The following CCDC27 variants were observed in gnomAD, a reference collection of about 807,000 sequenced individuals.
CCDC27 encodes coiled-coil domain containing 27, also known as coiled-coil domain-containing protein 27.
A neutral mutation model predicts 80.3 loss-of-function variants in CCDC27; 80 were observed. The observed-to-expected ratio is 1.00, with a 90% CI of 0.83 to 1.20. The LOEUF (loss-of-function observed/expected upper bound fraction) is 1.20. CCDC27 is among the 50% of genes most tolerant of loss of function. The probability of loss-of-function intolerance (pLI) is 0.00; values close to 1 mark genes in which losing one functional copy is unlikely to be tolerated. For missense variants in CCDC27, 815 were observed against 809.4 expected (o/e 1.01, Z -0.08); for synonymous variants, 342 against 334.3 (o/e 1.02, Z -0.25).
In CCDC27 at chr1:3,769,867, G is replaced by A. The variant is rs1324525053; in HGVS notation, c.1828G>A (p.Asp610Asn). 1 of 1,613,774 alleles carries A rather than the reference G, an allele frequency of 6.2e-7. No homozygotes were observed. The highest frequency in any genetic ancestry group is 1.7e-5 in the Admixed American group (1 of 59,986). The change falls in exon 11 of 12, where the codon GAC (aspartate) becomes AAC (asparagine). Residue 610 changes from aspartate to asparagine, a missense_variant. Transcript: ENST00000294600. This position sits in a 1 kb window ranked among gnomAD's most constrained non-coding sequence, Gnocchi z 4.6. Reference protein sequence around the residue: ...KSLANEISDNDILEALQRIIS... With the variant: ...KSLANEISDNNILEALQRIIS... ...CTTGGCCAACGAGATCTCTGACAAT[G>A]ACATCCTGGAAGCCCTGCAGGTATA...
At chr1:3,764,178 A>G (rs983340620) in intron 8 of CCDC27, among the ~76,000 whole-genome samples, 4 of 152,322 alleles carry the variant, frequency 2.6e-5, no homozygotes, top group African/African-American at 9.6e-5. Flanking sequence ...ATCCGTGCTT[A>G]GAGAGACTGC....
chr1:3,768,595 T>C lies in CCDC27; in HGVS notation c.1743+1150T>C, dbSNP rs1286843137. ...GATAAAACAGTTTGGGATCCAGCCG[T>C]AGTCCTGGTGAAAGCGTTAGACCAG... On this transcript the variant is annotated intron_variant, in intron 10 of 11. Coordinates refer to ENST00000294600, the MANE Select transcript of CCDC27 (RefSeq NM_152492.3). The surrounding 1 kb of genome is among the most constrained non-coding windows in gnomAD (Gnocchi z 5.6). 6.6e-6 allele frequency among the ~76,000 whole-genome samples: 1 copy of C among 152,108 alleles called. No homozygotes were observed. The highest frequency in any genetic ancestry group is 1.5e-5 in the Non-Finnish European group (1 of 68,010).
At position 3,766,624 on chromosome 1, in the gene CCDC27, G is replaced by A. The variant is rs757622717; in HGVS notation, c.1530+12G>A. 6.2e-7 allele frequency: 1 copy of A among 1,608,994 alleles called. No individual in the cohort carries two copies. The highest frequency in any genetic ancestry group is 8.5e-7 in the Non-Finnish European group (1 of 1,176,058). On this transcript the variant is annotated intron_variant, in intron 9 of 11. Transcript: ENST00000294600. This position sits in a 1 kb window ranked among gnomAD's most constrained non-coding sequence, Gnocchi z 6.1. ...AGCTCCTCCGACAGGTGACAGCCTG[G>A]GTGTCGTTAAATGATCAGCCAGGCC...
At chr1:3,764,970 G>A (rs886732584) in intron 8 of CCDC27, among the ~76,000 whole-genome samples, 4 of 151,058 alleles carry the variant, frequency 2.6e-5, no homozygotes, top group Admixed American at 6.6e-5. Context: ...AGGAGAAGGA[G>A]GTTGCAGTGA....
chr1:3,765,968 C>T (rs974247157), intron 8 of CCDC27, among the ~76,000 whole-genome samples: 11 of 151,722 alleles, frequency 7.3e-5, no homozygotes, highest in Admixed American at 2.0e-4. Context: ...TCTCCAGAGT[C>T]GGGTGATCCT....
At position 3,763,086 on chromosome 1, in the gene CCDC27, C is replaced by G; in HGVS notation, c.955-22C>G. ...GGGGTGCCCCGCAGCCCTGCCCAGC[C>G]CCTGCCCTACCCATCTTACAGATGC... On this transcript the variant is annotated intron_variant, in intron 6 of 11. Transcript: ENST00000294600. The surrounding 1 kb of genome is among the most constrained non-coding windows in gnomAD (Gnocchi z 7.5). 1 of 1,462,334 alleles carries G rather than the reference C, an allele frequency of 6.8e-7. No homozygotes were observed. The highest frequency in any genetic ancestry group is 9.0e-7 in the Non-Finnish European group (1 of 1,105,770). The allele number at this position is 1,462,334 out of a possible 1,614,324, so 90.6% of individuals were successfully genotyped here.
At chr1:3,765,276 C>G (rs1254552287) in intron 8 of CCDC27, among the ~76,000 whole-genome samples, 1 of 152,160 alleles carries the variant, frequency 6.6e-6, no homozygotes, top group Non-Finnish European at 1.5e-5. Flanking sequence ...GTTGTAAGAT[C>G]CTATCTTTGT....
In CCDC27 at chr1:3,752,495, T is replaced by A. The variant is rs1642843873; in HGVS notation, c.14T>A (p.Ile5Asn). 6.2e-7 allele frequency: 1 copy of A among 1,613,750 alleles called. No homozygotes were observed. MFEA[I>N]FPSTPQARLK... is the part of the protein sequence containing the mutation. ...GCCAGCAGGTTCATGTTCGAGGCCA[T>A]CTTCCCCTCCACACCCCAAGCCAGG... The change falls in exon 1 of 12, where the codon ATC becomes AAC. Residue 5 changes from isoleucine to asparagine, a missense_variant. Coordinates refer to ENST00000294600, the MANE Select transcript of CCDC27 (RefSeq NM_152492.3).
In CCDC27 at chr1:3,763,164, C is replaced by T. The variant is rs771918746; in HGVS notation, c.1011C>T (p.Gly337=). Residue 337 remains glycine, a synonymous_variant, in exon 7 of 12, where the codon GGC becomes GGT. Transcript: ENST00000294600. This position sits in a 1 kb window ranked among gnomAD's most constrained non-coding sequence, Gnocchi z 7.5. ...GCAAGGAGCCCGACCTGGGAGGTGGCGAGGAGGACGAGGGCCTGGAAGGGG... is the reference window on the plus strand; with the variant it reads ...GCAAGGAGCCCGACCTGGGAGGTGGTGAGGAGGACGAGGGCCTGGAAGGGG... ...ERGKEPDLGG[G]EEDEGLEGEP... is the part of the protein sequence containing the mutation. 30 of 1,491,890 alleles carry T rather than the reference C, an allele frequency of 2.0e-5. No individual in the cohort carries two copies. The highest frequency in any genetic ancestry group is 7.3e-5 in the Admixed American group (3 of 41,186). The allele number at this position is 1,491,890 out of a possible 1,614,324, so 92.4% of individuals were successfully genotyped here.
chr1:3,766,927 G>A lies in CCDC27; in HGVS notation c.1531-306G>A, dbSNP rs150490288. On this transcript the variant is annotated intron_variant, in intron 9 of 11. Transcript: ENST00000294600. The surrounding 1 kb of genome is among the most constrained non-coding windows in gnomAD (Gnocchi z 6.1). ...GTGATCTCAGCTCACTGCAACCTCC[G>A]CCTCCTGGGTTCAAGTGATTCTCCT... is the stretch of plus-strand genomic sequence containing the variant. Among the ~76,000 whole-genome samples, 1,346 of 137,528 alleles carry A rather than the reference G, an allele frequency of 9.8e-3. 28 individuals are homozygous for A. The highest frequency in any genetic ancestry group is 0.033 in the African/African-American group (1,206 of 36,136). 90.2% of individuals were successfully genotyped at this position (137,528 alleles called of 152,430 possible). A position where few individuals can be genotyped will look rare whatever the true frequency, so the allele number is the denominator to read the frequency against.
rs138413252 is a variant in CCDC27 at position 3,763,813 on chromosome 1, C to G, written c.1429C>G (p.Gln477Glu). 65 of 1,613,000 alleles carry G rather than the reference C, an allele frequency of 4.0e-5. No individual in the cohort carries two copies. The African/African-American group carries it at 7.2e-4, about 18-fold the overall frequency. ...LQKELRERRQQLQAMTDKFSN... is the reference protein window; with the variant it reads ...LQKELRERRQELQAMTDKFSN... The stretch of plus-strand genomic sequence containing the variant: ...GAAGGAGCTCCGAGAGCGGAGGCAG[C>G]AGCTACAAGCCATGACCGACAAGGT... The change falls in exon 8 of 12, where the codon CAG becomes GAG. Residue 477 changes from glutamine (Q) to glutamate (E), a missense_variant. Physicochemically the swap from Gln to Glu is conservative, Grantham distance 29. Coordinates refer to ENST00000294600, the MANE Select transcript of CCDC27 (RefSeq NM_152492.3). This position sits in a 1 kb window ranked among gnomAD's most constrained non-coding sequence, Gnocchi z 7.5.
intron 3 of CCDC27, chr1:3,756,129 C>CA (rs56657883): frequency 0.02 from 3,049 of 155,786 alleles, 98 homozygotes; most frequent in African/African-American, 0.07. Flanking sequence ...TCACGAGGTT[C>CA]AGGAGTTCAA....
In CCDC27 at chr1:3,766,450, G is replaced by T; in HGVS notation, c.1453-85G>T. 1 of 885,068 alleles carries T rather than the reference G, an allele frequency of 1.1e-6. No individual in the cohort carries two copies. The allele number at this position is 885,068 out of a possible 1,614,324, so 54.8% of individuals were successfully genotyped here. ...GCTGCTATTATTTTAGGGAGCTTTG[G>T]GGAAGGAAAAAAGTTAGATGCCGGA... On this transcript the variant is annotated intron_variant, in intron 8 of 11. Coordinates refer to ENST00000294600, the MANE Select transcript of CCDC27 (RefSeq NM_152492.3). This position sits in a 1 kb window ranked among gnomAD's most constrained non-coding sequence, Gnocchi z 6.1.
intron 1 of CCDC27, 151 bp from the exon 2 acceptor site, chr1:3,753,967 C>A: frequency 9.2e-7 from 1 of 1,092,738 alleles, no homozygotes; most frequent in Non-Finnish European, 1.3e-6. Context: ...CACACGGTGT[C>A]CTGGGTGTGG....
At position 3,760,380 on chromosome 1, in the gene CCDC27, C is replaced by G. The variant is rs1205581612; in HGVS notation, c.712-901C>G. Among the ~76,000 whole-genome samples, 1 of 152,146 alleles carries G rather than the reference C, an allele frequency of 6.6e-6. No homozygotes were observed. The highest frequency in any genetic ancestry group is 2.4e-5 in the African/African-American group (1 of 41,422). ...TCTCCCTTCCTATATCATAAATTTT[C>G]ACACCTATCTTTATTCCTTTTCTTC... On this transcript the variant is annotated intron_variant, in intron 4 of 11. Transcript: ENST00000294600. The surrounding 1 kb of genome is among the most constrained non-coding windows in gnomAD (Gnocchi z 4.3).
At chr1:3,762,809 G>A in intron 6 of CCDC27, 97 bp downstream of exon 6, 1 of 1,201,150 alleles carries the variant, frequency 8.3e-7, no homozygotes, top group Non-Finnish European at 1.2e-6. Context: ...AAGTGTCCCT[G>A]CTGCAGCCCT....
At position 3,761,845 on chromosome 1, in the gene CCDC27, G is replaced by A. The variant is rs1457200337; in HGVS notation, c.861+415G>A. Among the ~76,000 whole-genome samples the A allele has an allele frequency of 6.6e-6, 1 of 152,182 alleles. No individual in the cohort carries two copies. Among genetic ancestry groups the A allele is most frequent in the Non-Finnish European group, 1.5e-5 (1 of 68,016 alleles). On this transcript the variant is annotated intron_variant, in intron 5 of 11. Transcript: ENST00000294600. This position sits in a 1 kb window ranked among gnomAD's most constrained non-coding sequence, Gnocchi z 5.0. Reference sequence around the variant, plus strand: ...AATCCTGGGGCATGGAGGCCACCCTGCAGGCGGATTCCCCGGGCCTGGCTC... The same window carrying A: ...AATCCTGGGGCATGGAGGCCACCCTACAGGCGGATTCCCCGGGCCTGGCTC...
At position 3,767,315 on chromosome 1, in the gene CCDC27, A is replaced by G. The variant is rs1430201663; in HGVS notation, c.1613A>G (p.Glu538Gly). 1 of 1,614,006 alleles carries G rather than the reference A, an allele frequency of 6.2e-7. No homozygotes were observed. Among genetic ancestry groups the G allele is most frequent in the East Asian group, 2.2e-5 (1 of 44,878 alleles). ...ELDTKVSQLQ[E>G]QVELDQNHLQ... ...GACACCAAGGTCAGCCAGCTGCAGG[A>G]GCAGGTGGAACTGGACCAGAACCAC... is the stretch of plus-strand genomic sequence containing the variant. The change falls in exon 10 of 12, where the codon GAG becomes GGG. Residue 538 changes from glutamate (E) to glycine (G), a missense_variant. Glu to Gly is a moderately conservative substitution (Grantham distance 98, BLOSUM62 -2). Coordinates refer to ENST00000294600, the MANE Select transcript of CCDC27 (RefSeq NM_152492.3).
rs773627375 is a variant in CCDC27 at position 3,768,624 on chromosome 1, C to T, written c.1744-1159C>T. Among the ~76,000 whole-genome samples the T allele has an allele frequency of 5.9e-5, 9 of 152,262 alleles. No homozygotes were observed. Among genetic ancestry groups the T allele is most frequent in the Middle Eastern group, 3.4e-3 (1 of 294 alleles). On this transcript the variant is annotated intron_variant, in intron 10 of 11. Transcript: ENST00000294600. The surrounding 1 kb of genome is among the most constrained non-coding windows in gnomAD (Gnocchi z 5.6). ...CCTGGTGAAAGCGTTAGACCAGAGG[C>T]GGTCTAGGTGTGTCCATTTGTGCGC...
Sources: allele counts gnomAD v4.1 joint callset (sites outside exome capture counted in the v4.1 genomes callset), GRCh38; gene constraint gnomAD v4.1.1; non-coding constraint Gnocchi (gnomAD v3.1); transcripts MANE v1.5; gene names NCBI Gene and HGNC (gene_info 2026-07-23, HGNC 2026-07-21).